Variants in PRUNE2 observed in about 807,000 individuals in gnomAD.
PRUNE2 encodes prune homolog 2 with BCH domain, also known as protein prune homolog 2.
Under a neutral mutation model 252.0 loss-of-function variants are expected in PRUNE2, and 164 were observed. The observed-to-expected ratio is 0.65, with a 90% CI of 0.57 to 0.74. The LOEUF is 0.74. Among genes scored for constraint, PRUNE2 ranks in the 30% least tolerant of loss-of-function variants. The probability of loss-of-function intolerance (pLI) is 0.00; values close to 1 mark genes in which losing one functional copy is unlikely to be tolerated. For missense variants in PRUNE2, 3,495 were observed against 3,711.0 expected, an observed-to-expected ratio of 0.94 and a Z score of 1.51; for synonymous variants, 1,292 against 1,350.2, an observed-to-expected ratio of 0.96 and a Z score of 0.94.
intron 6 of PRUNE2, among the ~76,000 whole-genome samples, chr9:76,773,438 CTTTT>C (rs35078779): frequency 0.021 from 2,240 of 107,586 alleles, 49 homozygotes; most frequent in African/African-American, 0.072. Context: ...ACTAGTACAT[CTTTT>C]TTTTTTTTTT....
Position 76,692,360 on chromosome 9 carries a change from T to C in PRUNE2, c.8276+10977A>G, listed in dbSNP as rs1048938911. 29 of 537,152 alleles carry C rather than the reference T, an allele frequency of 5.4e-5. No homozygotes were observed. In the East Asian group the frequency reaches 8.2e-4, roughly 15 times the overall value. The allele number at this position is 537,152 out of a possible 1,614,324, so 33.3% of individuals were successfully genotyped here. A position where few individuals can be genotyped will look rare whatever the true frequency, so the allele number is the denominator to read the frequency against. Reference sequence around the variant, plus strand: ...AGTCAAAAATGCTCTTTAATTTTTATGTCAGTTGAGGAAAACTGCTGCTAC... The same window carrying C: ...AGTCAAAAATGCTCTTTAATTTTTACGTCAGTTGAGGAAAACTGCTGCTAC... On this transcript the variant is annotated intron_variant, in intron 9 of 18. Transcript: ENST00000376718.
At position 76,703,424 on chromosome 9, in the gene PRUNE2, G is replaced by C. The variant is rs749686500; in HGVS notation, c.8189C>G (p.Pro2730Arg). 6.2e-7 allele frequency: 1 copy of C among 1,613,738 alleles called. No homozygotes were observed. The highest frequency in any genetic ancestry group is 8.5e-7 in the Non-Finnish European group (1 of 1,179,796). The change falls in exon 9 of 19, where the codon CCT (proline) becomes CGT (arginine). Residue 2730 changes from proline (P) to arginine (R), a missense_variant. Transcript: ENST00000376718. The stretch of plus-strand genomic sequence containing the variant: ...GTCAGGGATCATGTTTTTCTGAACA[G>C]GCTGTGGTGAAAGCATTTCCCATTC... ...DNEWEMLSPQ[P>R]VQKNMIPDTE...
intron 6 of PRUNE2, among the ~76,000 whole-genome samples, chr9:76,793,048 G>A (rs916339818): frequency 6.6e-6 from 1 of 152,214 alleles, no homozygotes. Flanking sequence ...TAAAGTGCCA[G>A]TATAAGGAAT....
At chr9:76,645,097 C>T (rs1328545462) in intron 11 of PRUNE2, 188 bp from the exon 12 acceptor site, 19 of 549,416 alleles carry the variant, frequency 3.5e-5, no homozygotes, top group Non-Finnish European at 5.8e-5. Context: ...ACTATCCTGA[C>T]CATATAAAGT....
At chr9:76,633,184 T>G (rs1457423093) in intron 15 of PRUNE2, among the ~76,000 whole-genome samples, 1 of 152,172 alleles carries the variant, frequency 6.6e-6, no homozygotes, top group Non-Finnish European at 1.5e-5. Flanking sequence ...ATCATGCCAC[T>G]GCACTCCAGT....
chr9:76,767,417 C>T (rs1040917225), intron 6 of PRUNE2, among the ~76,000 whole-genome samples: 3 of 151,124 alleles, frequency 2.0e-5, no homozygotes, highest in African/African-American at 7.3e-5. Flanking sequence ...TGCCACTGCG[C>T]TCCAGCCTGG....
intron 1 of PRUNE2, chr9:76,869,326 G>A (rs1373437099): frequency 6.6e-6 from 1 of 152,190 alleles, no homozygotes; most frequent in African/African-American, 2.4e-5. Context: ...AGGGAAATGT[G>A]CGAGGGATCT....
At position 76,773,442 on chromosome 9, in the gene PRUNE2, T is replaced by C. The variant is rs1180963130; in HGVS notation, c.756+50190A>G. ...ATCACATACACACTAGTACATCTTT[T>C]TTTTTTTTTTTTTTTTTTGAGACAG... On this transcript the variant is annotated intron_variant, in intron 6 of 18. Coordinates refer to ENST00000376718, the MANE Select transcript of PRUNE2 (RefSeq NM_015225.3). Among the ~76,000 whole-genome samples, 3 of 128,566 alleles carry C rather than the reference T, an allele frequency of 2.3e-5. No individual in the cohort carries two copies. The East Asian group carries it at 5.9e-4, about 25-fold the overall frequency. The allele number at this position is 128,566 out of a possible 152,430, so 84.3% of individuals were successfully genotyped here. A position where few individuals can be genotyped will look rare whatever the true frequency, so the allele number is the denominator to read the frequency against.
chr9:76,754,522 T>TTGCTGAGTTTTACC (rs1239923280), intron 6 of PRUNE2, among the ~76,000 whole-genome samples: 2 of 152,214 alleles, frequency 1.3e-5, no homozygotes, highest in Non-Finnish European at 2.9e-5. Context: ...ATTCAACTCC[T>TTGCTGAGTTTTACC]TGCTGAGTTT....
chr9:76,725,385 T>C (rs1288230511), intron 6 of PRUNE2, among the ~76,000 whole-genome samples: 2 of 152,202 alleles, frequency 1.3e-5, no homozygotes, highest in Non-Finnish European at 2.9e-5. Flanking sequence ...TCAATGAAAG[T>C]GTCAGTACAG....
chr9:76,703,355 C>T lies in PRUNE2; in HGVS notation c.8258G>A (p.Arg2753Lys), dbSNP rs757003666. ...EETEFLELGT[R>K]ISRPNGLLSE... is the part of the protein sequence containing the mutation. ...TGCTTACCCATTTGGTCTTGATATC[C>T]TGGTTCCGAGCTCAAGGAACTCTGT... Residue 2753 changes from arginine to lysine, a missense_variant, in exon 9 of 19, where the codon AGG (arginine) becomes AAG (lysine). Transcript: ENST00000376718. The T allele has an allele frequency of 3.8e-6, 6 of 1,593,726 alleles. No individual in the cohort carries two copies. The East Asian group carries it at 1.1e-4, about 30-fold the overall frequency.
intron 1 of PRUNE2, among the ~76,000 whole-genome samples, chr9:76,863,988 A>C (rs2060694851): frequency 6.6e-6 from 1 of 152,188 alleles, no homozygotes; most frequent in Non-Finnish European, 1.5e-5. Flanking sequence ...AGACACATGC[A>C]CTTATATGTT....
chr9:76,804,548 T>A (rs1469497559), intron 6 of PRUNE2, among the ~76,000 whole-genome samples: 1 of 152,212 alleles, frequency 6.6e-6, no homozygotes, highest in African/African-American at 2.4e-5. Flanking sequence ...CTCTGCAAGG[T>A]GTCTTCCATG....
At chr9:76,635,335 A>C (rs1355106235) in intron 15 of PRUNE2, among the ~76,000 whole-genome samples, 1 of 152,196 alleles carries the variant, frequency 6.6e-6, no homozygotes, top group Non-Finnish European at 1.5e-5. Context: ...TGCCAGAGGG[A>C]AACTAGGGTG....
At chr9:76,856,425 C>T (rs1010333556) in intron 1 of PRUNE2, 4 of 152,170 alleles carry the variant, frequency 2.6e-5, no homozygotes, top group Non-Finnish European at 5.9e-5. Context: ...GTGTTCCACC[C>T]TCAACTTACA....
chr9:76,632,362 G>C (rs1453614382), intron 15 of PRUNE2, among the ~76,000 whole-genome samples: 2 of 152,158 alleles, frequency 1.3e-5, no homozygotes, highest in Admixed American at 1.3e-4. Flanking sequence ...GAAGTAAATT[G>C]ACTCAAAGGA....
chr9:76,635,478 T>C (rs1839658846), intron 15 of PRUNE2, among the ~76,000 whole-genome samples: 1 of 152,202 alleles, frequency 6.6e-6, no homozygotes, highest in Non-Finnish European at 1.5e-5. Context: ...AATAACAGTA[T>C]ATCATGTGAT....
intron 18 of PRUNE2, among the ~76,000 whole-genome samples, chr9:76,615,915 A>C (rs568470808): frequency 6.6e-6 from 1 of 151,918 alleles, no homozygotes; most frequent in African/African-American, 2.4e-5. Flanking sequence ...GATTACAGGC[A>C]GACGCCACCA....
At chr9:76,820,901 C>A (rs573104875) in intron 6 of PRUNE2, among the ~76,000 whole-genome samples, 2 of 152,166 alleles carry the variant, frequency 1.3e-5, no homozygotes, top group Non-Finnish European at 1.5e-5. Context: ...AGCAAAGGGG[C>A]GAACTGCAAA....
Sources: allele counts gnomAD v4.1 joint callset (sites outside exome capture counted in the v4.1 genomes callset), GRCh38; gene constraint gnomAD v4.1.1; transcripts MANE v1.5; gene names NCBI Gene and HGNC (gene_info 2026-07-23, HGNC 2026-07-21).